The following SUMF1 variants were observed in gnomAD, a reference collection of about 807,000 sequenced individuals.
The protein encoded by SUMF1 is formylglycine-generating enzyme.
Under a neutral mutation model 47.6 loss-of-function variants are expected in SUMF1, and 48 were observed. That is an observed-to-expected ratio of 1.01 (90% CI 0.80 to 1.28). The LOEUF is 1.28. Ranked by LOEUF, SUMF1 falls within the 50% of genes most tolerant of loss-of-function variation. The pLI is 0.00. For synonymous variants in SUMF1, 230 were observed against 192.1 expected, an observed-to-expected ratio of 1.20 and a Z score of -1.63; for missense variants, 571 against 485.4, an observed-to-expected ratio of 1.18 and a Z score of -1.66.
intron 3 of SUMF1, among the ~76,000 whole-genome samples, chr3:4,439,740 T>A (rs1177895287): frequency 6.6e-6 from 1 of 151,688 alleles, no homozygotes; most frequent in African/African-American, 2.4e-5. Context: ...ATTTTTTTTT[T>A]AATATTAGAG....
intron 8 of SUMF1, among the ~76,000 whole-genome samples, chr3:4,351,505 G>A (rs540964732): frequency 1.5e-4 from 23 of 152,128 alleles, no homozygotes; most frequent in Non-Finnish European, 2.1e-4. Flanking sequence ...GATCTCAGTC[G>A]TCTTTATCAG....
At chr3:4,278,421 G>A (rs7646944) in intron 8 of SUMF1, among the ~76,000 whole-genome samples, 1 of 151,982 alleles carries the variant, frequency 6.6e-6, no homozygotes, top group Non-Finnish European at 1.5e-5. Flanking sequence ...TTTTAAAGGA[G>A]AAATTGTTAG....
At chr3:4,377,622 G>C in intron 7 of SUMF1, among the ~76,000 whole-genome samples, 1 of 152,134 alleles carries the variant, frequency 6.6e-6, no homozygotes, top group East Asian at 1.9e-4. Flanking sequence ...CCAGTATAAT[G>C]GCAAGACTTT....
At chr3:4,429,958 G>T (rs1702183430) in intron 3 of SUMF1, among the ~76,000 whole-genome samples, 1 of 152,076 alleles carries the variant, frequency 6.6e-6, no homozygotes, top group Middle Eastern at 3.2e-3. Context: ...TACTTTTAAA[G>T]GATTTTAAAA....
chr3:4,460,695 C>G (rs1360289800), intron 1 of SUMF1, among the ~76,000 whole-genome samples: 1 of 151,130 alleles, frequency 6.6e-6, no homozygotes, highest in East Asian at 1.9e-4. Context: ...CCCACTCTGT[C>G]ACCCCACGCT....
chr3:4,125,317 AC>A (rs1693632351), intron 8 of SUMF1, among the ~76,000 whole-genome samples: 1 of 152,170 alleles, frequency 6.6e-6, no homozygotes, highest in Non-Finnish European at 1.5e-5. Flanking sequence ...CAGATATAGA[AC>A]ATTTCTGTAA....
chr3:4,340,395 A>G (rs1699246618), intron 8 of SUMF1, among the ~76,000 whole-genome samples: 2 of 152,168 alleles, frequency 1.3e-5, no homozygotes, highest in Non-Finnish European at 2.9e-5. Context: ...CCTTTTGTGA[A>G]TGCAGAGCTC....
chr3:4,410,150 G>C (rs771215198), intron 7 of SUMF1, among the ~76,000 whole-genome samples: 21 of 152,204 alleles, frequency 1.4e-4, no homozygotes, highest in Non-Finnish European at 2.8e-4. Flanking sequence ...AAAATATTCA[G>C]AGATGTTCTT....
chr3:4,449,202 T>C, intron 3 of SUMF1, 64 bp downstream of exon 3: 1 of 1,581,310 alleles, frequency 6.3e-7, no homozygotes, highest in South Asian at 1.1e-5. Context: ...GGTTTGGATT[T>C]TTCACCCAAA....
chr3:4,458,669 C>T (rs1282669377), intron 1 of SUMF1, among the ~76,000 whole-genome samples: 1 of 152,120 alleles, frequency 6.6e-6, no homozygotes, highest in Non-Finnish European at 1.5e-5. Flanking sequence ...TCCTGGCTAA[C>T]ACGGTGAAAT....
At chr3:4,320,077 C>T (rs894347553) in intron 8 of SUMF1, among the ~76,000 whole-genome samples, 3 of 152,166 alleles carry the variant, frequency 2.0e-5, no homozygotes, top group African/African-American at 7.2e-5. Flanking sequence ...ATGGTGTATA[C>T]ATGACATTGT....
intron 8 of SUMF1, among the ~76,000 whole-genome samples, chr3:4,078,456 C>A (rs1223204191): frequency 6.6e-6 from 1 of 151,940 alleles, no homozygotes; most frequent in Non-Finnish European, 1.5e-5. Flanking sequence ...CAGAAACGGC[C>A]CACAATTTAG....
intron 7 of SUMF1, among the ~76,000 whole-genome samples, chr3:4,400,452 C>A (rs142113932): frequency 6.6e-6 from 1 of 152,110 alleles, no homozygotes; most frequent in African/African-American, 2.4e-5. Flanking sequence ...GCAAGGACTG[C>A]GTGATGTTTA....
intron 8 of SUMF1, among the ~76,000 whole-genome samples, chr3:4,188,945 T>C (rs1278830571): frequency 6.6e-6 from 1 of 152,204 alleles, no homozygotes; most frequent in Non-Finnish European, 1.5e-5. Flanking sequence ...CTATTGTTAT[T>C]AGCTTTAACT....
chr3:4,313,294 C>A, intron 8 of SUMF1: 2 of 1,613,906 alleles, frequency 1.2e-6, no homozygotes, highest in African/African-American at 1.3e-5. Context: ...AATTCACTTA[C>A]AAACAAAATC....
intron 8 of SUMF1, among the ~76,000 whole-genome samples, chr3:4,259,572 G>GT: frequency 6.6e-6 from 1 of 151,834 alleles, no homozygotes; most frequent in Non-Finnish European, 1.5e-5. Flanking sequence ...TATTTTATTT[G>GT]TTTTTTCTAT....
chr3:4,456,745 C>CGTGTGTGTGTATATATACGTGTAT (rs1240573357), intron 1 of SUMF1, among the ~76,000 whole-genome samples: 9 of 12,598 alleles, frequency 7.1e-4, no homozygotes, highest in African/African-American at 3.7e-3. Context: ...TATATACACA[C>CGTGTGTGTGTATATATACGTGTAT]ATATATACGT....
At chr3:4,418,841 G>C (rs578017555) in intron 4 of SUMF1, among the ~76,000 whole-genome samples, 2 of 152,108 alleles carry the variant, frequency 1.3e-5, no homozygotes, top group Non-Finnish European at 1.5e-5. Context: ...TGGAAGTTTG[G>C]GGAAAAAAAA....
At chr3:4,309,125 G>A (rs1698305948) in intron 8 of SUMF1, among the ~76,000 whole-genome samples, 1 of 152,202 alleles carries the variant, frequency 6.6e-6, no homozygotes. Flanking sequence ...AATGCCTTGG[G>A]TAAGATAAAG....
Sources: gnomAD v4.1 joint callset for allele counts (sites outside exome capture counted in the v4.1 genomes callset) on GRCh38, gnomAD v4.1.1 for gene constraint, MANE v1.5 for transcripts, NCBI Gene and HGNC (gene_info 2026-07-23, HGNC 2026-07-21) for gene names.